The following SLC4A4 variants were observed in gnomAD, a reference collection of about 807,000 sequenced individuals.
SLC4A4 encodes the protein solute carrier family 4 member 4.
Under a neutral mutation model 111.5 loss-of-function variants are expected in SLC4A4, and 27 were observed. The observed-to-expected ratio is 0.24, with a 90% CI of 0.18 to 0.33. The LOEUF (loss-of-function observed/expected upper bound fraction) is 0.33. Ranked by LOEUF, SLC4A4 falls within the 10% of genes least tolerant of loss-of-function variation. The probability of loss-of-function intolerance (pLI) is 1.00; values close to 1 mark genes in which losing one functional copy is unlikely to be tolerated. For missense variants in SLC4A4, 909 were observed against 1,315.5 expected (o/e 0.69, Z 4.78); for synonymous variants, 443 against 463.4 (o/e 0.96, Z 0.57).
intron 6 of SLC4A4, among the ~76,000 whole-genome samples, chr4:71,366,492 A>G (rs1259529367): frequency 6.6e-6 from 1 of 152,138 alleles, no homozygotes; most frequent in Non-Finnish European, 1.5e-5. Flanking sequence ...TCTACAGTCT[A>G]AATATTGGAT....
intron 1 of SLC4A4, among the ~76,000 whole-genome samples, chr4:71,193,615 T>G (rs1259144637): frequency 1.3e-5 from 2 of 152,326 alleles, no homozygotes; most frequent in East Asian, 3.9e-4. Context: ...GTTTTGTATG[T>G]CTTTTTTTTA....
At chr4:71,389,287 T>G (rs961041404) in intron 6 of SLC4A4, among the ~76,000 whole-genome samples, 2 of 152,238 alleles carry the variant, frequency 1.3e-5, no homozygotes, top group Non-Finnish European at 2.9e-5. Context: ...CATCAGCTTT[T>G]GGCTTCAACT....
chr4:71,518,363 G>A (rs1373775155), intron 16 of SLC4A4, among the ~76,000 whole-genome samples: 2 of 152,154 alleles, frequency 1.3e-5, no homozygotes, highest in African/African-American at 4.8e-5. Context: ...CTAGCCTGGA[G>A]GGTGGAGCCA....
intron 7 of SLC4A4, among the ~76,000 whole-genome samples, chr4:71,432,890 C>T (rs1233405263): frequency 1.3e-5 from 2 of 151,988 alleles, no homozygotes; most frequent in Non-Finnish European, 2.9e-5. Context: ...ACTTCCATCT[C>T]CACAACAATC....
chr4:71,505,366 T>C (rs1219635643), intron 16 of SLC4A4, among the ~76,000 whole-genome samples: 2 of 152,098 alleles, frequency 1.3e-5, no homozygotes, highest in Non-Finnish European at 2.9e-5. Flanking sequence ...CTGCTATTTT[T>C]TGACCTTTTA....
At position 71,116,815 on chromosome 4, in the gene SLC4A4, T is replaced by C. The variant is rs113268422; in HGVS notation, c.-2+24023T>C. On this transcript the variant is annotated intron_variant, in intron 2 of 26. Transcript: ENST00000649996. ...AAAATTAGTTGGGCATGATGGCACATGCCTGTAATCCCAGCTACTGAGGAG... is the reference window on the plus strand; with the variant it reads ...AAAATTAGTTGGGCATGATGGCACACGCCTGTAATCCCAGCTACTGAGGAG... Among the ~76,000 whole-genome samples, 952 of 152,178 alleles carry C rather than the reference T, an allele frequency of 6.3e-3. 12 individuals carry two copies. The highest frequency in any genetic ancestry group is 0.022 in the African/African-American group (914 of 41,522).
chr4:71,260,578 C>T (rs1721786955), intron 3 of SLC4A4, among the ~76,000 whole-genome samples: 1 of 152,162 alleles, frequency 6.6e-6, no homozygotes, highest in African/African-American at 2.4e-5. Flanking sequence ...GGAGGAAGTA[C>T]TTTGTCTTTA....
chr4:71,505,047 A>G (rs557758849), intron 16 of SLC4A4, among the ~76,000 whole-genome samples: 2 of 152,312 alleles, frequency 1.3e-5, no homozygotes, highest in African/African-American at 4.8e-5. Flanking sequence ...ATGTCCCTGC[A>G]AAGGACATGA....
chr4:71,304,389 A>T (rs189249293), intron 3 of SLC4A4, among the ~76,000 whole-genome samples: 1 of 152,278 alleles, frequency 6.6e-6, no homozygotes, highest in Non-Finnish European at 1.5e-5. Flanking sequence ...GTCTGAGAGC[A>T]GGAGAAGATG....
chr4:71,136,510 C>T (rs1481069335), intron 2 of SLC4A4, among the ~76,000 whole-genome samples: 1 of 152,134 alleles, frequency 6.6e-6, no homozygotes, highest in East Asian at 1.9e-4. Flanking sequence ...TGTCTGAGGA[C>T]CCATCTTGGA....
At chr4:71,290,151 G>A (rs571754454) in intron 3 of SLC4A4, among the ~76,000 whole-genome samples, 4 of 152,236 alleles carry the variant, frequency 2.6e-5, no homozygotes, top group Admixed American at 1.3e-4. Context: ...TGAGATGACC[G>A]GTCAGTTACT....
chr4:71,511,812 C>T (rs1731947877), intron 16 of SLC4A4, among the ~76,000 whole-genome samples: 1 of 152,130 alleles, frequency 6.6e-6, no homozygotes, highest in South Asian at 2.1e-4. Context: ...TTTCCACTCC[C>T]TACCTCAATG....
At chr4:71,284,724 G>A (rs938596426) in intron 3 of SLC4A4, among the ~76,000 whole-genome samples, 4 of 152,200 alleles carry the variant, frequency 2.6e-5, no homozygotes, top group Admixed American at 2.6e-4. Flanking sequence ...AAACAAGGAT[G>A]ATGAACTCAC....
chr4:71,187,178 A>G (rs1046772974), upstream of SLC4A4: 1 of 151,750 alleles, frequency 6.6e-6, no homozygotes, highest in African/African-American at 2.4e-5. Flanking sequence ...CGCCCGGCGC[A>G]GACAACTTCC....
At chr4:71,475,260 A>G (rs942595340) in intron 14 of SLC4A4, among the ~76,000 whole-genome samples, 1 of 151,688 alleles carries the variant, frequency 6.6e-6, no homozygotes, top group Non-Finnish European at 1.5e-5. Context: ...CCCCATACCT[A>G]CCTGAGGCGA....
At chr4:71,072,974 G>A (rs1202718192) in intron 1 of SLC4A4, among the ~76,000 whole-genome samples, 4 of 151,816 alleles carry the variant, frequency 2.6e-5, no homozygotes. Context: ...TGGTAGAGAC[G>A]GGGTTTCGCC....
rs985357610 is a variant in SLC4A4, at chr4:71,552,629, T to A, written c.2695-2511T>A. Among the ~76,000 whole-genome samples the A allele has an allele frequency of 3.3e-5, 5 of 151,994 alleles. No homozygotes were observed. The South Asian group carries it at 8.3e-4, about 25-fold the overall frequency. On this transcript the variant is annotated intron_variant, in intron 20 of 25. Coordinates refer to ENST00000264485, the MANE Select transcript of SLC4A4 (RefSeq NM_001098484.3). ...TGTTAACTCCTATTTTGATTTTATC[T>A]CAATTATTCCATCTGCTTGTAGGGT... is the stretch of plus-strand genomic sequence containing the variant.
chr4:71,482,119 T>G (rs964014940), intron 14 of SLC4A4, among the ~76,000 whole-genome samples: 1 of 151,732 alleles, frequency 6.6e-6, no homozygotes, highest in Non-Finnish European at 1.5e-5. Flanking sequence ...CAACGGTTCT[T>G]GTAGACCAAG....
intron 6 of SLC4A4, among the ~76,000 whole-genome samples, chr4:71,376,055 ATATATATATACATATACACG>A (rs899283122): frequency 1.3e-5 from 2 of 149,254 alleles, no homozygotes; most frequent in African/African-American, 2.5e-5. Context: ...ATATACACGT[ATATATATATACATATACACG>A]TATATATATA....
Sources: gnomAD v4.1 joint callset for allele counts (sites outside exome capture counted in the v4.1 genomes callset) on GRCh38, gnomAD v4.1.1 for gene constraint, MANE v1.5 for transcripts, NCBI Gene and HGNC (gene_info 2026-07-23, HGNC 2026-07-21) for gene names.